The following BNC2 variants were observed in gnomAD, a reference collection of about 807,000 sequenced individuals.
BNC2 encodes zinc finger protein basonuclin-2.
BNC2 carries 20 observed loss-of-function variants against 76.3 expected under a neutral mutation model. The observed-to-expected ratio is 0.26, with a 90% CI of 0.18 to 0.38. The LOEUF is 0.38. Ranked by LOEUF, BNC2 falls within the 10% of genes least tolerant of loss-of-function variation. The probability of loss-of-function intolerance (pLI) is 1.00; values close to 1 mark genes in which losing one functional copy is unlikely to be tolerated. For missense variants in BNC2, 1,382 were observed against 1,399.8 expected (o/e 0.99, Z 0.20); for synonymous variants, 582 against 514.8 (o/e 1.13, Z -1.77).
At chr9:16,868,707 G>A (rs765108924) in intron 1 of BNC2, among the ~76,000 whole-genome samples, 1 of 152,270 alleles carries the variant, frequency 6.6e-6, no homozygotes, top group East Asian at 1.9e-4. Flanking sequence ...CGCACTCTGG[G>A]AACTAAGAAC....
At chr9:16,816,936 C>A (rs1415024033) in intron 1 of BNC2, among the ~76,000 whole-genome samples, 1 of 152,170 alleles carries the variant, frequency 6.6e-6, no homozygotes, top group Non-Finnish European at 1.5e-5. Flanking sequence ...CCATCTAGGA[C>A]TCCCCAAAGT....
chr9:16,410,965 G>A lies in BNC2; in HGVS notation c.*8024C>T, dbSNP rs1021132242. 6 of 152,188 alleles carry A rather than the reference G, an allele frequency of 3.9e-5. No homozygotes were observed. The highest frequency in any genetic ancestry group is 7.3e-5 in the Non-Finnish European group (5 of 68,046). 9.4% of individuals were successfully genotyped at this position (152,188 alleles called of 1,614,324 possible). On this transcript the variant is annotated 3_prime_UTR_variant, in exon 7 of 7. Coordinates refer to ENST00000380672, the MANE Select transcript of BNC2 (RefSeq NM_017637.6). ...TCATACCTCATGAATCATGCTTCTC[G>A]CAGTGGCCACAGCACCGATTCACAG...
chr9:16,477,053 G>GA (rs1369691849), intron 5 of BNC2, among the ~76,000 whole-genome samples: 3 of 152,168 alleles, frequency 2.0e-5, no homozygotes, highest in Non-Finnish European at 2.9e-5. Flanking sequence ...CATCAGGGTA[G>GA]AAAAGGAGAG....
intron 5 of BNC2, among the ~76,000 whole-genome samples, chr9:16,468,879 C>T (rs1465297520): frequency 6.6e-6 from 1 of 152,146 alleles, no homozygotes; most frequent in African/African-American, 2.4e-5. Context: ...TTGTCCATAT[C>T]CCCAATAATA....
chr9:16,780,217 C>T (rs1289344775), intron 1 of BNC2, among the ~76,000 whole-genome samples: 3 of 94,120 alleles, frequency 3.2e-5, no homozygotes, highest in Non-Finnish European at 5.7e-5. Flanking sequence ...GCCTGGGTGA[C>T]AGAGCAAGAC....
chr9:16,440,189 T>C (rs1312964593), intron 5 of BNC2, among the ~76,000 whole-genome samples: 4 of 152,112 alleles, frequency 2.6e-5, no homozygotes, highest in African/African-American at 4.8e-5. Flanking sequence ...CTAAGATAGG[T>C]TGTTAAGGCT....
At chr9:16,435,436 A>T in intron 6 of BNC2, 119 bp downstream of exon 6, 1 of 1,233,044 alleles carries the variant, frequency 8.1e-7, no homozygotes, top group Non-Finnish European at 1.2e-6. Context: ...ATCACTGTGG[A>T]CAATCTTTAC....
intron 1 of BNC2, among the ~76,000 whole-genome samples, chr9:16,838,420 G>T (rs891494820): frequency 2.0e-5 from 3 of 152,172 alleles, no homozygotes; most frequent in Admixed American, 6.5e-5. Flanking sequence ...AATCAGCTGG[G>T]TGTGGTGGCG....
At chr9:16,526,962 G>C (rs1460562436) in intron 5 of BNC2, among the ~76,000 whole-genome samples, 2 of 152,206 alleles carry the variant, frequency 1.3e-5, no homozygotes, top group East Asian at 1.9e-4. Context: ...GCCAAATAGA[G>C]AGAGCAGTAG....
At chr9:16,779,759 A>T (rs1826072009) in intron 1 of BNC2, among the ~76,000 whole-genome samples, 1 of 152,238 alleles carries the variant, frequency 6.6e-6, no homozygotes, top group Admixed American at 6.5e-5. Context: ...TTCCATTTGT[A>T]TGAAATGTCC....
chr9:16,411,388 T>C lies in BNC2; in HGVS notation c.*7601A>G, dbSNP rs1290990599. The C allele has an allele frequency of 6.6e-6, 1 of 152,546 alleles. No homozygotes were observed. Among genetic ancestry groups the C allele is most frequent in the Non-Finnish European group, 1.5e-5 (1 of 68,038 alleles). The allele number at this position is 152,546 out of a possible 1,614,324, so 9.4% of individuals were successfully genotyped here. A position where few individuals can be genotyped will look rare whatever the true frequency, so the allele number is the denominator to read the frequency against. On this transcript the variant is annotated 3_prime_UTR_variant, in exon 7 of 7. Coordinates refer to ENST00000380672, the MANE Select transcript of BNC2 (RefSeq NM_017637.6). ...TAAAATACTTCTTTCTGCTCTTCCT[T>C]CCCTTCAAAGATTCTTTTTTAAAAA...
chr9:16,773,023 G>A (rs1825870206), intron 1 of BNC2, among the ~76,000 whole-genome samples: 2 of 152,188 alleles, frequency 1.3e-5, no homozygotes, highest in African/African-American at 4.8e-5. Flanking sequence ...CGGGTGCAAA[G>A]AGGCTATTTA....
At chr9:16,605,195 G>A (rs934452012) in intron 3 of BNC2, among the ~76,000 whole-genome samples, 6 of 152,162 alleles carry the variant, frequency 3.9e-5, no homozygotes, top group Non-Finnish European at 7.4e-5. Context: ...ATGAAAAGAG[G>A]AAATTATCCT....
At chr9:16,558,251 A>G (rs1169422748) in intron 4 of BNC2, among the ~76,000 whole-genome samples, 2 of 152,190 alleles carry the variant, frequency 1.3e-5, no homozygotes, top group Non-Finnish European at 2.9e-5. Flanking sequence ...TAGGCAAGTG[A>G]CCTAAGTCTG....
At chr9:16,688,513 T>C (rs1396942188) in intron 3 of BNC2, among the ~76,000 whole-genome samples, 2 of 152,216 alleles carry the variant, frequency 1.3e-5, no homozygotes, top group African/African-American at 2.4e-5. Flanking sequence ...TTTTATCCAC[T>C]TTTCCTCTGT....
intron 2 of BNC2, among the ~76,000 whole-genome samples, chr9:16,728,612 T>C (rs1025480301): frequency 9.2e-5 from 14 of 151,792 alleles, no homozygotes; most frequent in Non-Finnish European, 1.5e-4. Flanking sequence ...TCAGTTATGG[T>C]CTAAATGTTA....
intron 3 of BNC2, among the ~76,000 whole-genome samples, chr9:16,635,288 G>A (rs549470866): frequency 3.0e-4 from 46 of 152,264 alleles, no homozygotes; most frequent in African/African-American, 1.0e-3. Flanking sequence ...AAATTACTCT[G>A]AACACTAGTA....
chr9:16,730,684 T>C (rs1824479627), intron 2 of BNC2, among the ~76,000 whole-genome samples: 1 of 152,142 alleles, frequency 6.6e-6, no homozygotes, highest in Non-Finnish European at 1.5e-5. Flanking sequence ...TCAGATATCA[T>C]GGACTGAGGT....
chr9:16,516,926 G>C (rs1395188143), intron 5 of BNC2, among the ~76,000 whole-genome samples: 1 of 152,140 alleles, frequency 6.6e-6, no homozygotes, highest in African/African-American at 2.4e-5. Context: ...AATAGCAAAA[G>C]GCTTTAAACT....
Sources: gnomAD v4.1 joint callset for allele counts (sites outside exome capture counted in the v4.1 genomes callset) on GRCh38, gnomAD v4.1.1 for gene constraint, MANE v1.5 for transcripts, NCBI Gene and HGNC (gene_info 2026-07-23, HGNC 2026-07-21) for gene names.